IL1RL2: variants seen among roughly 807,000 people sequenced by gnomAD.
IL1RL2 encodes interleukin-1 receptor-like 2.
A neutral mutation model predicts 66.8 loss-of-function variants in IL1RL2; 68 were observed. The ratio of observed to expected loss-of-function variants is 1.02; its 90% CI spans 0.84 to 1.25. The LOEUF (loss-of-function observed/expected upper bound fraction) is 1.25, where lower values mean the gene tolerates loss of function less well. IL1RL2 is among the 50% of genes most tolerant of loss of function. IL1RL2 has a pLI of 0.00. For missense variants in IL1RL2, 729 were observed against 709.3 expected, an observed-to-expected ratio of 1.03 and a Z score of -0.32; for synonymous variants, 305 against 264.6, an observed-to-expected ratio of 1.15 and a Z score of -1.48.
At chr2:102,201,449 G>T in intron 4 of IL1RL2, 107 bp from the exon 5 acceptor site, 1 of 955,488 alleles carries the variant, frequency 1.0e-6, no homozygotes, top group Non-Finnish European at 1.6e-6. Flanking sequence ...TACCTAGCTA[G>T]CTAGCTATCT....
intron 6 of IL1RL2, 124 bp from the exon 7 acceptor site, chr2:102,218,829 G>T (rs938461393): frequency 3.8e-6 from 3 of 794,252 alleles, no homozygotes; most frequent in Non-Finnish European, 6.0e-6. Context: ...TGCCTAGGGG[G>T]CTATTTCTGG....
chr2:102,215,100 T>C (rs1026119415), intron 6 of IL1RL2, among the ~76,000 whole-genome samples: 1 of 152,196 alleles, frequency 6.6e-6, no homozygotes, highest in African/African-American at 2.4e-5. Flanking sequence ...ACCTTCATTA[T>C]TACCACAGAC....
At chr2:102,237,624 T>C (rs1674995455) in intron 11 of IL1RL2, among the ~76,000 whole-genome samples, 1 of 152,196 alleles carries the variant, frequency 6.6e-6, no homozygotes, top group African/African-American at 2.4e-5. Context: ...ACGACTCTCA[T>C]GTTGGAGAGA....
chr2:102,211,588 A>C (rs2104800690), intron 5 of IL1RL2, among the ~76,000 whole-genome samples: 1 of 152,354 alleles, frequency 6.6e-6, no homozygotes, highest in Admixed American at 6.5e-5. Context: ...ATTTTAAAGT[A>C]ATTCAAAAAC....
intron 6 of IL1RL2, among the ~76,000 whole-genome samples, chr2:102,217,720 G>A (rs1034361879): frequency 3.3e-5 from 5 of 152,072 alleles, no homozygotes; most frequent in African/African-American, 1.2e-4. Context: ...AGGAAAATTG[G>A]ATATCCACAT....
At chr2:102,202,831 A>G (rs1247730019) in intron 5 of IL1RL2, among the ~76,000 whole-genome samples, 1 of 152,224 alleles carries the variant, frequency 6.6e-6, no homozygotes, top group Admixed American at 6.5e-5. Context: ...GCCAACAATG[A>G]TAATTTGAAT....
At chr2:102,224,685 G>C (rs12476585) in intron 8 of IL1RL2, among the ~76,000 whole-genome samples, 66,658 of 151,862 alleles carry the variant, frequency 0.44, 15,172 homozygotes, top group East Asian at 0.59. Context: ...CTATAGATAG[G>C]AATAATTTAT....
At chr2:102,231,080 G>A (rs1035972330) in intron 9 of IL1RL2, among the ~76,000 whole-genome samples, 8 of 152,184 alleles carry the variant, frequency 5.3e-5, no homozygotes, top group East Asian at 1.9e-4. Context: ...CCCAAAGCTC[G>A]AAATCGCGTT....
Position 102,239,331 on chromosome 2 carries a change from G to C in IL1RL2, c.*90G>C. ...ACACCTATTTTCTGCTGCAGGATGAGGCTAGGGTTAGCATTCTAGACACCC... is the reference window on the plus strand; with the variant it reads ...ACACCTATTTTCTGCTGCAGGATGACGCTAGGGTTAGCATTCTAGACACCC... On this transcript the variant is annotated 3_prime_UTR_variant, in exon 12 of 12. Transcript: ENST00000264257. 1 of 1,285,962 alleles carries C rather than the reference G, an allele frequency of 7.8e-7. No individual in the cohort carries two copies. The highest frequency in any genetic ancestry group is 1.1e-6 in the Non-Finnish European group (1 of 884,004). The allele number at this position is 1,285,962 out of a possible 1,614,324, so 79.7% of individuals were successfully genotyped here.
chr2:102,218,179 T>A (rs1689775752), intron 6 of IL1RL2, among the ~76,000 whole-genome samples: 2 of 152,194 alleles, frequency 1.3e-5, no homozygotes, highest in South Asian at 2.1e-4. Context: ...AATATCCTGT[T>A]TTCTTGATGA....
intron 5 of IL1RL2, among the ~76,000 whole-genome samples, chr2:102,209,899 C>G (rs1267691268): frequency 1.3e-5 from 2 of 152,100 alleles, no homozygotes; most frequent in East Asian, 1.9e-4. Context: ...CTGAACAAAG[C>G]TAGGTTCTGT....
rs1689010872 is a variant in IL1RL2 at position 102,209,888 on chromosome 2, A to G, written c.650-2212A>G. ...ATCATTTAAGAACTCTTTGCTGAGT[A>G]CTGAACAAAGCTAGGTTCTGTGCCA... On this transcript the variant is annotated intron_variant, in intron 5 of 11. Transcript: ENST00000264257. 3.3e-5 allele frequency among the ~76,000 whole-genome samples: 5 copies of G among 152,196 alleles called. No individual in the cohort carries two copies. The South Asian group carries it at 1.0e-3, about 31-fold the overall frequency.
At chr2:102,227,610 G>A (rs990678608) in intron 9 of IL1RL2, among the ~76,000 whole-genome samples, 7 of 152,106 alleles carry the variant, frequency 4.6e-5, no homozygotes, top group African/African-American at 1.7e-4. Flanking sequence ...TGCAGAGGCC[G>A]CCCCGTCTAA....
intron 6 of IL1RL2, among the ~76,000 whole-genome samples, chr2:102,214,018 T>A (rs12996377): frequency 0.15 from 22,344 of 152,182 alleles, 1,811 homozygotes; most frequent in African/African-American, 0.2. Flanking sequence ...GGCCCATATG[T>A]TTTTAGGATA....
At position 102,201,707 on chromosome 2, in the gene IL1RL2, T is replaced by C. The variant is rs1384793313; in HGVS notation, c.641T>C (p.Val214Ala). 1.2e-6 allele frequency: 2 copies of C among 1,613,590 alleles called. No individual in the cohort carries two copies. Among genetic ancestry groups the C allele is most frequent in the African/African-American group, 1.3e-5 (1 of 74,918 alleles). The change falls in exon 5 of 12, where the codon GTG (valine) becomes GCG (alanine). Residue 214 changes from valine to alanine, a missense_variant. Coordinates refer to ENST00000264257, the MANE Select transcript of IL1RL2 (RefSeq NM_003854.4). ...TACGAGGTTTTAAATGGCATCACTG[T>C]GAGCATTAGTAAGTATGCTCATGTA... ...KQYEVLNGITVSITERAGYGG... is the reference protein window; with the variant it reads ...KQYEVLNGITASITERAGYGG...
intron 4 of IL1RL2, among the ~76,000 whole-genome samples, chr2:102,193,269 G>T (rs556807725): frequency 6.6e-6 from 1 of 152,158 alleles, no homozygotes; most frequent in Non-Finnish European, 1.5e-5. Context: ...GCCAGTGAAT[G>T]CATTCCTTTA....
intron 9 of IL1RL2, among the ~76,000 whole-genome samples, chr2:102,227,268 A>C (rs1690702919): frequency 6.6e-6 from 1 of 151,722 alleles, no homozygotes; most frequent in African/African-American, 2.4e-5. Context: ...CAGGAAAGGG[A>C]GGGAAACTGG....
intron 11 of IL1RL2, among the ~76,000 whole-genome samples, chr2:102,236,406 G>T (rs2287041): frequency 0.21 from 31,422 of 151,922 alleles, 4,104 homozygotes; most frequent in East Asian, 0.32. Flanking sequence ...CAGGCGATGG[G>T]TGGTACCCAG....
intron 6 of IL1RL2, among the ~76,000 whole-genome samples, chr2:102,217,268 G>A (rs1298972197): frequency 6.6e-6 from 1 of 152,008 alleles, no homozygotes; most frequent in Admixed American, 6.6e-5. Flanking sequence ...TTTTTGTTCA[G>A]CACTGAATAT....
Sources: gnomAD v4.1 joint callset for allele counts (sites outside exome capture counted in the v4.1 genomes callset) on GRCh38, gnomAD v4.1.1 for gene constraint, MANE v1.5 for transcripts, NCBI Gene and HGNC (gene_info 2026-07-23, HGNC 2026-07-21) for gene names.